The following KIF7 variants were observed in gnomAD, a reference collection of about 807,000 sequenced individuals.
KIF7 encodes the protein kinesin family member 7.
Under a neutral mutation model 135.7 loss-of-function variants are expected in KIF7, and 104 were observed. The observed-to-expected ratio is 0.77, with a 90% CI of 0.65 to 0.90. The LOEUF is 0.90. Ranked by LOEUF, KIF7 falls within the 40% of genes least tolerant of loss-of-function variation. The pLI is 0.00. For synonymous variants in KIF7, 883 were observed against 809.4 expected (o/e 1.09, Z -1.54); for missense variants, 2,005 against 1,839.1 (o/e 1.09, Z -1.65).
downstream of KIF7, chr15:89,625,238 T>C (rs758823622): frequency 6.2e-7 from 1 of 1,613,592 alleles, no homozygotes; most frequent in Non-Finnish European, 8.5e-7. Flanking sequence ...CAAACCTACA[T>C]CTGCCAGGCC....
intron 11 of KIF7, among the ~76,000 whole-genome samples, chr15:89,640,391 T>C (rs897002343): frequency 1.4e-4 from 21 of 152,194 alleles, no homozygotes; most frequent in Non-Finnish European, 1.5e-5. Flanking sequence ...GCTCTGTGTA[T>C]ATTAAATGGT....
chr15:89,655,948 C>T (rs995130232), upstream of KIF7, among the ~76,000 whole-genome samples: 1 of 152,194 alleles, frequency 6.6e-6, no homozygotes, highest in Non-Finnish European at 1.5e-5. Context: ...GGGGTGTCCA[C>T]GGCAGCCTCA....
Position 89,642,290 on chromosome 15 carries a change from G to C in KIF7, c.2307C>G (p.Leu769=). 1 of 1,610,068 alleles carries C rather than the reference G, an allele frequency of 6.2e-7. No homozygotes were observed. Among genetic ancestry groups the C allele is most frequent in the Non-Finnish European group, 8.5e-7 (1 of 1,179,550 alleles). The stretch of plus-strand genomic sequence containing the variant: ...CAGCATCCTGGAGCTCCTTGCCCTC[G>C]AGCTCCCGCAGCTGCCTCTGGCCTT... ...LSEGQRQLRE[L]EGKELQDAGE... Residue 769 remains leucine (L), a synonymous_variant, in exon 11 of 19, where the codon CTC becomes CTG. Transcript: ENST00000394412.
At position 89,628,633 on chromosome 15, in the gene KIF7, A is replaced by AACGGAGC; in HGVS notation, c.3811_3817dup (p.Leu1273CysfsTer15). 3.7e-6 allele frequency: 6 copies of AACGGAGC among 1,613,282 alleles called. No homozygotes were observed. The highest frequency in any genetic ancestry group is 5.1e-6 in the Non-Finnish European group (6 of 1,179,980). On this transcript the variant is annotated frameshift_variant, in exon 19 of 19. Coordinates refer to ENST00000394412, the MANE Select transcript of KIF7 (RefSeq NM_198525.3). LOFTEE classifies it low-confidence loss of function (END_TRUNC). ...GCTCGAGCGTTTCCAGGTCAAGGGT[A>AACGGAGC]ACGGAGCGTGGACCAAGTCCCGCGT...
Position 89,642,316 on chromosome 15 carries a change from C to T in KIF7, c.2281G>A (p.Glu761Lys). The part of the protein sequence containing the change: ...EAEQVRAELS[E>K]GQRQLRELEG... ...AGCTCCCGCAGCTGCCTCTGGCCTT[C>T]ACTCAGCTCGGCCCGCACCTGCTCT... The change falls in exon 11 of 19, where the codon GAA (glutamate) becomes AAA (lysine). Residue 761 changes from glutamate to lysine, a missense_variant. By Grantham distance (56) the Glu-to-Lys change is moderately conservative. Coordinates refer to ENST00000394412, the MANE Select transcript of KIF7 (RefSeq NM_198525.3). The T allele has an allele frequency of 6.2e-7, 1 of 1,611,086 alleles. No individual in the cohort carries two copies. The highest frequency in any genetic ancestry group is 1.1e-5 in the South Asian group (1 of 90,760).
downstream of KIF7, among the ~76,000 whole-genome samples, chr15:89,626,642 TA>T (rs1884729780): frequency 6.6e-6 from 1 of 151,998 alleles, no homozygotes; most frequent in African/African-American, 2.4e-5. Context: ...GACCATGATA[TA>T]AATCATGCAA....
rs1305987882 is a variant in KIF7 at position 89,647,699 on chromosome 15, G to A, written c.1457C>T (p.Ala486Val). The A allele has an allele frequency of 1.9e-6, 3 of 1,578,566 alleles. No homozygotes were observed. The highest frequency in any genetic ancestry group is 1.8e-5 in the Admixed American group (1 of 55,686). The part of the protein sequence containing the change: ...GAGGRKEDEG[A>V]QQLLTLQNQV... ...GTTCTGCAGGGTCAGCAGCTGCTGC[G>A]CCCCCTCATCCTCCTATAGGGCAGG... The change falls in exon 6 of 19, where the codon GCG becomes GTG. Residue 486 changes from alanine to valine, a missense_variant. Physicochemically the swap from Ala to Val is moderately conservative, Grantham distance 64. Coordinates refer to ENST00000394412, the MANE Select transcript of KIF7 (RefSeq NM_198525.3).
chr15:89,634,926 T>A lies in KIF7; in HGVS notation c.2395-1043A>T, dbSNP rs989974876. Among the ~76,000 whole-genome samples the A allele has an allele frequency of 2.6e-5, 4 of 152,316 alleles. No individual in the cohort carries two copies. In the East Asian group the frequency reaches 7.7e-4, roughly 29 times the overall value. ...TAACCTCTGCAGACTTAAATGTCCC[T>A]GTCTGACAGCTTTGAAGAGAGCAGG... On this transcript the variant is annotated intron_variant, in intron 11 of 18. Transcript: ENST00000394412.
upstream of KIF7, among the ~76,000 whole-genome samples, chr15:89,660,159 C>G (rs931190891): frequency 6.6e-6 from 1 of 152,212 alleles, no homozygotes; most frequent in African/African-American, 2.4e-5. Context: ...GATCGTACCA[C>G]TGCACTCCAG....
At chr15:89,626,990 A>G, downstream of KIF7, 1 of 1,614,180 alleles carries the variant, frequency 6.2e-7, no homozygotes. Flanking sequence ...CCACTGTAGA[A>G]GACTCTCCTT....
downstream of KIF7, chr15:89,624,070 G>A (rs1963469181): frequency 1.9e-6 from 3 of 1,613,882 alleles, no homozygotes; most frequent in Admixed American, 1.7e-5. Flanking sequence ...ACCTCCGAGA[G>A]CAGCAGCCTT....
chr15:89,625,919 A>T (rs768778631), downstream of KIF7: 1 of 1,554,914 alleles, frequency 6.4e-7, no homozygotes, highest in Admixed American at 2.0e-5. Flanking sequence ...TGCTCTTACT[A>T]TGTGGGATCT....
downstream of KIF7, chr15:89,627,062 G>C: frequency 6.2e-7 from 1 of 1,614,112 alleles, no homozygotes; most frequent in African/African-American, 1.3e-5. Context: ...AGAAGCTCAT[G>C]GGAACCTGGC....
chr15:89,632,066 G>A lies in KIF7; in HGVS notation c.2896-356C>T, dbSNP rs1207657843. ...TGGCCAAGCCCTAAAGGCCTTTCTGGGAGCCAGATGCGGGAGGAAGTGAGG... is the reference window on the plus strand; with the variant it reads ...TGGCCAAGCCCTAAAGGCCTTTCTGAGAGCCAGATGCGGGAGGAAGTGAGG... On this transcript the variant is annotated intron_variant, in intron 14 of 18. Transcript: ENST00000394412. 3.9e-5 allele frequency among the ~76,000 whole-genome samples: 6 copies of A among 152,266 alleles called. No homozygotes were observed. The East Asian group carries it at 9.6e-4, about 24-fold the overall frequency.
At chr15:89,659,863 T>G (rs1243358838), upstream of KIF7, among the ~76,000 whole-genome samples, 1 of 152,188 alleles carries the variant, frequency 6.6e-6, no homozygotes, top group Non-Finnish European at 1.5e-5. Context: ...TGAGAAACTC[T>G]TATAAGAATG....
At chr15:89,644,254 A>G (rs1963970720) in intron 10 of KIF7, among the ~76,000 whole-genome samples, 1 of 152,198 alleles carries the variant, frequency 6.6e-6, no homozygotes, top group African/African-American at 2.4e-5. Flanking sequence ...TCCTTCACTC[A>G]TATCACCAGT....
chr15:89,628,681 C>CCCTCAGTGAGGGGGGACAG lies in KIF7; in HGVS notation c.3751_3769dup (p.Gly1257AlafsTer6). 1 of 1,612,990 alleles carries CCCTCAGTGAGGGGGGACAG rather than the reference C, an allele frequency of 6.2e-7. No individual in the cohort carries two copies. Among genetic ancestry groups the CCCTCAGTGAGGGGGGACAG allele is most frequent in the Non-Finnish European group, 8.5e-7 (1 of 1,179,890 alleles). Reference sequence around the variant, plus strand: ...CGTCTCCTCCCGGGTGCGGGGGGCCCCCTCAGTGAGGGGGGACAGCCAGAG... The same window carrying CCCTCAGTGAGGGGGGACAG: ...CGTCTCCTCCCGGGTGCGGGGGGCCCCCTCAGTGAGGGGGGACAGCCTCAGTGAGGGGGGACAGCCAGAG... On this transcript the variant is annotated stop_gained and frameshift_variant, in exon 19 of 19. Transcript: ENST00000394412. LOFTEE classifies it low-confidence loss of function (END_TRUNC).
In KIF7 at chr15:89,629,115, G is replaced by T; in HGVS notation, c.3525C>A (p.Leu1175=). 1.2e-6 allele frequency: 2 copies of T among 1,612,032 alleles called. No homozygotes were observed. The highest frequency in any genetic ancestry group is 1.7e-6 in the Non-Finnish European group (2 of 1,179,686). The stretch of plus-strand genomic sequence containing the variant: ...TCCTGCTGTCTGCTAACCCTTCACC[G>T]AGGTGGTCTAGAGTGGAAAGGTCGA... ...QLLLQQSRDH[L]GEGLADSRRQ... Residue 1175 remains leucine, a synonymous_variant, in exon 18 of 19, where the codon CTC becomes CTA. Coordinates refer to ENST00000394412, the MANE Select transcript of KIF7 (RefSeq NM_198525.3).
rs138732123 is a variant in KIF7 at position 89,621,537 on chromosome 15, C to T, written c.181-3342G>A. On this transcript the variant is annotated intron_variant and NMD_transcript_variant, in intron 1 of 2. Coordinates refer to the KIF7 transcript ENST00000558928. Reference sequence around the variant, plus strand: ...AGAAACACTTTGGATTCGGAGGTACCTGCAGCTTACCAGGTATAATGTTTC... The same window carrying T: ...AGAAACACTTTGGATTCGGAGGTACTTGCAGCTTACCAGGTATAATGTTTC... 14 of 1,611,646 alleles carry T rather than the reference C, an allele frequency of 8.7e-6. No individual in the cohort carries two copies. The African/African-American group carries it at 1.6e-4, about 18-fold the overall frequency.
Sources: gnomAD v4.1 joint callset for allele counts (sites outside exome capture counted in the v4.1 genomes callset) on GRCh38, gnomAD v4.1.1 for gene constraint, MANE v1.5 for transcripts, NCBI Gene and HGNC (gene_info 2026-07-23, HGNC 2026-07-21) for gene names.